Variants in MRPL33 observed in about 807,000 individuals in gnomAD.
MRPL33 encodes the protein large ribosomal subunit protein bL33m.
Under a neutral mutation model 10.1 loss-of-function variants are expected in MRPL33, and 5 were observed. The observed-to-expected ratio is 0.49, with a 90% CI of 0.26 to 1.04. The LOEUF is 1.04. MRPL33 is among the 50% of genes least tolerant of loss of function. The pLI is 0.14. For synonymous variants in MRPL33, 24 were observed against 27.7 expected, an observed-to-expected ratio of 0.87 and a Z score of 0.42; for missense variants, 79 against 78.1, an observed-to-expected ratio of 1.01 and a Z score of -0.04.
chr2:27,775,513 G>A (rs1362082407), intron 3 of MRPL33, among the ~76,000 whole-genome samples: 1 of 151,702 alleles, frequency 6.6e-6, no homozygotes, highest in Non-Finnish European at 1.5e-5. Context: ...CACCACACCC[G>A]GCTAACTTTT....
chr2:27,778,696 A>G (rs1677220171), intron 3 of MRPL33, among the ~76,000 whole-genome samples: 1 of 152,064 alleles, frequency 6.6e-6, no homozygotes, highest in South Asian at 2.1e-4. Context: ...CTGGGATTAC[A>G]GGCATGCACC....
chr2:27,771,754 G>C lies in MRPL33; in HGVS notation c.-24G>C. ...GGTTGGGGGCCTTTTGGCCGGTGACGGAGACTGCCCAGGTGTGGTCACCAT... is the reference window on the plus strand; with the variant it reads ...GGTTGGGGGCCTTTTGGCCGGTGACCGAGACTGCCCAGGTGTGGTCACCAT... On this transcript the variant is annotated 5_prime_UTR_variant, in exon 1 of 4. Transcript: ENST00000296102. The C allele has an allele frequency of 6.2e-7, 1 of 1,614,114 alleles. No individual in the cohort carries two copies. The highest frequency in any genetic ancestry group is 8.5e-7 in the Non-Finnish European group (1 of 1,179,982).
intron 3 of MRPL33, among the ~76,000 whole-genome samples, chr2:27,776,337 C>T (rs1366196875): frequency 3.3e-5 from 5 of 152,272 alleles, no homozygotes; most frequent in South Asian, 2.1e-4. Context: ...AAGATGTTTG[C>T]CTCGGGGCCT....
intron 3 of MRPL33, among the ~76,000 whole-genome samples, chr2:27,777,861 C>CT (rs1677205422): frequency 6.6e-6 from 1 of 152,084 alleles, no homozygotes; most frequent in African/African-American, 2.4e-5. Context: ...TACCCCCCGC[C>CT]TTTTTTTAAA....
At chr2:27,778,446 TGTGTGTGG>T (rs929399395) in intron 3 of MRPL33, among the ~76,000 whole-genome samples, 29 of 152,104 alleles carry the variant, frequency 1.9e-4, no homozygotes, top group Non-Finnish European at 3.2e-4. Context: ...GGGGTGTGTG[TGTGTGTGG>T]GTGTGTGGGT....
In MRPL33 at chr2:27,774,487, C is replaced by G; in HGVS notation, c.105C>G (p.Asn35Lys). ...GTGFCFNTKR[N>K]RLREKLTLLH... ...GTTTCTGCTTCAACACCAAGAGAAA[C>G]CGACTGCGGGAAAAACTGACTCTTT... Residue 35 changes from asparagine (N) to lysine (K), a missense_variant, in exon 3 of 4, where the codon AAC becomes AAG. Transcript: ENST00000296102. The G allele has an allele frequency of 6.2e-7, 1 of 1,614,078 alleles. No individual in the cohort carries two copies. The highest frequency in any genetic ancestry group is 1.1e-5 in the South Asian group (1 of 91,078).
intron 2 of MRPL33, among the ~76,000 whole-genome samples, chr2:27,773,365 G>A (rs927379678): frequency 2.0e-5 from 3 of 152,184 alleles, no homozygotes; most frequent in Admixed American, 6.5e-5. Flanking sequence ...GTATGTTAGC[G>A]CTTTCCCTCC....
At chr2:27,772,853 C>G (rs1677079077) in intron 2 of MRPL33, 161 bp downstream of exon 2, 6 of 610,332 alleles carry the variant, frequency 9.8e-6, no homozygotes, top group Non-Finnish European at 1.7e-5. Context: ...TTTATGAACT[C>G]TTTCAAAAAT....
intron 1 of MRPL33, 144 bp from the exon 2 acceptor site, chr2:27,772,530 A>ATAGT: frequency 1.6e-6 from 1 of 625,682 alleles, no homozygotes; most frequent in South Asian, 2.1e-5. Flanking sequence ...TAGATAGGGA[A>ATAGT]TAGTTACTTG....
chr2:27,778,551 ATCTTT>A (rs1484538102), intron 3 of MRPL33, among the ~76,000 whole-genome samples: 5 of 150,420 alleles, frequency 3.3e-5, no homozygotes, highest in African/African-American at 7.3e-5. Context: ...CTAGTCTTCA[ATCTTT>A]TCTTTTTTTT....
At position 27,774,515 on chromosome 2, in the gene MRPL33, CATTATG is replaced by C. The variant is rs773025483; in HGVS notation, c.136_141del (p.Tyr46_Asp47del). On this transcript the variant is annotated inframe_deletion, in exon 3 of 4. Coordinates refer to ENST00000296102, the MANE Select transcript of MRPL33 (RefSeq NM_004891.4). ...ACTGCGGGAAAAACTGACTCTTTTGCATTATGATCCAGTTGGTAAGATCTGGGGAGG... is the reference window on the plus strand; with the variant it reads ...ACTGCGGGAAAAACTGACTCTTTTGCATCCAGTTGGTAAGATCTGGGGAGG... 5 of 1,613,802 alleles carry C rather than the reference CATTATG, an allele frequency of 3.1e-6. No individual in the cohort carries two copies. In the East Asian group the frequency reaches 1.1e-4, roughly 36 times the overall value.
chr2:27,774,353 T>C (rs1437186907), intron 2 of MRPL33, 71 bp from the exon 3 acceptor site: 21 of 1,224,976 alleles, frequency 1.7e-5, no homozygotes, highest in Non-Finnish European at 7.2e-6. Flanking sequence ...TCTCAAAATG[T>C]GCCATCCCCC....
chr2:27,774,395 G>C, intron 2 of MRPL33, 29 bp from the exon 3 acceptor site: 1 of 1,581,160 alleles, frequency 6.3e-7, no homozygotes, highest in Non-Finnish European at 8.7e-7. Flanking sequence ...TCGTCAGCTC[G>C]TACATAACAG....
chr2:27,774,333 C>T, intron 2 of MRPL33, 91 bp from the exon 3 acceptor site: 1 of 995,068 alleles, frequency 1.0e-6, no homozygotes, highest in South Asian at 1.3e-5. Flanking sequence ...CTAATATTAC[C>T]CTACAGAGTT....
chr2:27,772,639 ATTTTC>A (rs1399745298), intron 1 of MRPL33, 30 bp from the exon 2 acceptor site: 7 of 1,525,178 alleles, frequency 4.6e-6, no homozygotes, highest in Admixed American at 3.7e-5. Context: ...TTATATTTTT[ATTTTC>A]TTTTCCAACC....
At chr2:27,779,245 G>T (rs1345516068) in intron 3 of MRPL33, among the ~76,000 whole-genome samples, 188 bp from the exon 4 acceptor site, 3 of 152,150 alleles carry the variant, frequency 2.0e-5, no homozygotes, top group Non-Finnish European at 2.9e-5. Context: ...TGGCCCTATA[G>T]CCATTTTCTC....
intron 3 of MRPL33, among the ~76,000 whole-genome samples, chr2:27,777,201 T>C (rs1225915962): frequency 6.6e-6 from 1 of 152,024 alleles, no homozygotes; most frequent in African/African-American, 2.4e-5. Flanking sequence ...AAAATAGGTT[T>C]TTGGTTTTTT....
chr2:27,771,914 T>C (rs929215451), intron 1 of MRPL33, 115 bp downstream of exon 1: 1 of 1,141,662 alleles, frequency 8.8e-7, no homozygotes, highest in African/African-American at 1.5e-5. Context: ...AAGCTGCAGC[T>C]GCGTACTTTT....
rs768188989 is a variant in MRPL33 at position 27,771,761 on chromosome 2, G to C, written c.-17G>C. The C allele has an allele frequency of 1.2e-6, 2 of 1,614,172 alleles. No individual in the cohort carries two copies. Among genetic ancestry groups the C allele is most frequent in the African/African-American group, 1.3e-5 (1 of 75,080 alleles). On this transcript the variant is annotated 5_prime_UTR_variant, in exon 1 of 4. Coordinates refer to ENST00000296102, the MANE Select transcript of MRPL33 (RefSeq NM_004891.4). ...GGCCTTTTGGCCGGTGACGGAGACT[G>C]CCCAGGTGTGGTCACCATGTTCCTC...
Sources: gnomAD v4.1 joint callset for allele counts (sites outside exome capture counted in the v4.1 genomes callset) on GRCh38, gnomAD v4.1.1 for gene constraint, MANE v1.5 for transcripts, NCBI Gene and HGNC (gene_info 2026-07-23, HGNC 2026-07-21) for gene names.